Variants in TMEM132D observed in about 807,000 individuals in gnomAD.
The protein encoded by TMEM132D is mature OL transmembrane protein.
In TMEM132D, 21 loss-of-function variants were observed where a neutral mutation model predicts 62.3. The observed-to-expected ratio is 0.34, with a 90% CI of 0.24 to 0.49. The LOEUF is 0.49. Among genes scored for constraint, TMEM132D ranks in the 20% least tolerant of loss-of-function variants. TMEM132D has a pLI of 0.99. For synonymous variants in TMEM132D, 621 were observed against 575.6 expected (o/e 1.08, Z -1.13); for missense variants, 1,346 against 1,402.8 (o/e 0.96, Z 0.65).
chr12:129,595,275 G>A lies in TMEM132D; in HGVS notation c.969-64070C>T, dbSNP rs376699852. Reference sequence around the variant, plus strand: ...ACCTTATATTCTAGTGAGGTGGGAGGAACACAGATAGTGCATACGTAGACA... The same window carrying A: ...ACCTTATATTCTAGTGAGGTGGGAGAAACACAGATAGTGCATACGTAGACA... On this transcript the variant is annotated intron_variant, in intron 2 of 8. Transcript: ENST00000422113. Among the ~76,000 whole-genome samples the A allele has an allele frequency of 1.4e-4, 22 of 152,256 alleles. No individual in the cohort carries two copies. In the East Asian group the frequency reaches 3.5e-3, roughly 24 times the overall value.
chr12:129,324,555 G>C (rs996042893), intron 4 of TMEM132D, among the ~76,000 whole-genome samples: 1 of 152,136 alleles, frequency 6.6e-6, no homozygotes, highest in African/African-American at 2.4e-5. Context: ...TGATGGTCAG[G>C]GGCAGTGGCT....
chr12:129,338,213 G>A (rs1480873722), intron 3 of TMEM132D, among the ~76,000 whole-genome samples: 1 of 152,172 alleles, frequency 6.6e-6, no homozygotes, highest in Non-Finnish European at 1.5e-5. Context: ...ATTTTCCAAA[G>A]CCACAGCCAG....
At chr12:129,164,729 T>C (rs1375497919) in intron 5 of TMEM132D, among the ~76,000 whole-genome samples, 1 of 152,124 alleles carries the variant, frequency 6.6e-6, no homozygotes, top group Admixed American at 6.5e-5. Context: ...CATGAGAATT[T>C]ACTCAGTATC....
chr12:129,840,675 G>A (rs1030964471), intron 1 of TMEM132D, among the ~76,000 whole-genome samples: 4 of 152,142 alleles, frequency 2.6e-5, no homozygotes, highest in African/African-American at 9.7e-5. Flanking sequence ...CTCCCAGTGC[G>A]GCCGCCCGCT....
chr12:129,309,579 C>T (rs56204001), intron 4 of TMEM132D, among the ~76,000 whole-genome samples: 625 of 152,252 alleles, frequency 4.1e-3, no homozygotes, highest in South Asian at 0.023. Flanking sequence ...CTCACCAGAA[C>T]CCCACCCGGA....
chr12:129,315,926 G>A (rs1209513026), intron 4 of TMEM132D, among the ~76,000 whole-genome samples: 5 of 152,176 alleles, frequency 3.3e-5, no homozygotes, highest in Admixed American at 6.5e-5. Flanking sequence ...GCTTATGTGC[G>A]TAAAGGTGTT....
intron 1 of TMEM132D, among the ~76,000 whole-genome samples, chr12:129,772,617 C>T (rs1870793366): frequency 6.6e-6 from 1 of 152,232 alleles, no homozygotes; most frequent in Admixed American, 6.5e-5. Context: ...GCATACATGT[C>T]AGCAAACCCA....
chr12:129,632,658 T>C (rs1593097768), intron 2 of TMEM132D, among the ~76,000 whole-genome samples: 1 of 152,304 alleles, frequency 6.6e-6, no homozygotes, highest in East Asian at 1.9e-4. Flanking sequence ...TGCTTTCTTC[T>C]CTATTCTCAG....
intron 1 of TMEM132D, among the ~76,000 whole-genome samples, chr12:129,815,351 C>T (rs1278409479): frequency 1.3e-5 from 2 of 152,180 alleles, no homozygotes; most frequent in African/African-American, 2.4e-5. Context: ...TTGAGAGACT[C>T]ATTAAGCAAC....
At chr12:129,354,102 G>C (rs1869957590) in intron 3 of TMEM132D, among the ~76,000 whole-genome samples, 1 of 152,032 alleles carries the variant, frequency 6.6e-6, no homozygotes. Context: ...TAGAAGACAA[G>C]GGTCCAGCTC....
intron 5 of TMEM132D, chr12:129,085,007 G>C (rs530673695): frequency 7.6e-6 from 4 of 523,612 alleles, no homozygotes; most frequent in Non-Finnish European, 1.3e-5. Flanking sequence ...ATCTTCCGTA[G>C]AAGACTGCCC....
At chr12:129,872,483 G>T (rs535641196) in intron 1 of TMEM132D, among the ~76,000 whole-genome samples, 1 of 152,302 alleles carries the variant, frequency 6.6e-6, no homozygotes, top group African/African-American at 2.4e-5. Context: ...GTTCACAAAG[G>T]CTTTTCAACT....
chr12:129,163,212 T>C (rs1201109392), intron 5 of TMEM132D, among the ~76,000 whole-genome samples: 3 of 152,252 alleles, frequency 2.0e-5, no homozygotes, highest in Non-Finnish European at 2.9e-5. Flanking sequence ...TAATTGTGTT[T>C]GTGTCTCAAA....
At chr12:129,865,519 A>G (rs1384812907) in intron 1 of TMEM132D, among the ~76,000 whole-genome samples, 1 of 152,144 alleles carries the variant, frequency 6.6e-6, no homozygotes, top group East Asian at 1.9e-4. Context: ...AGTTCTACGA[A>G]CACTCCAAGA....
intron 2 of TMEM132D, among the ~76,000 whole-genome samples, chr12:129,629,555 G>A (rs1411703816): frequency 2.0e-5 from 3 of 151,910 alleles, no homozygotes; most frequent in African/African-American, 4.8e-5. Flanking sequence ...CATGATGTCC[G>A]TCTTCCACAT....
At chr12:129,209,421 C>T in intron 5 of TMEM132D, 99 bp downstream of exon 5, 1 of 1,437,092 alleles carries the variant, frequency 7.0e-7, no homozygotes, top group South Asian at 1.3e-5. Flanking sequence ...CCTGTGGGAC[C>T]CAGAGGTCCC....
intron 1 of TMEM132D, among the ~76,000 whole-genome samples, chr12:129,800,409 G>A (rs548212763): frequency 4.6e-5 from 7 of 152,060 alleles, no homozygotes; most frequent in Non-Finnish European, 1.0e-4. Context: ...CATATATTGA[G>A]CCTATGATAC....
At chr12:129,231,686 T>C (rs1593304691) in intron 4 of TMEM132D, among the ~76,000 whole-genome samples, 2 of 152,260 alleles carry the variant, frequency 1.3e-5, no homozygotes, top group South Asian at 4.2e-4. Context: ...GAGCATGGTG[T>C]TAATGAGGCT....
At chr12:129,759,818 G>C (rs1870291469) in intron 1 of TMEM132D, among the ~76,000 whole-genome samples, 1 of 152,256 alleles carries the variant, frequency 6.6e-6, no homozygotes, top group East Asian at 1.9e-4. Context: ...GTTTTCTAGA[G>C]CAGTGGGAGA....
Sources: gnomAD v4.1 joint callset for allele counts (sites outside exome capture counted in the v4.1 genomes callset) on GRCh38, gnomAD v4.1.1 for gene constraint, MANE v1.5 for transcripts, NCBI Gene and HGNC (gene_info 2026-07-23, HGNC 2026-07-21) for gene names.